GSE1: variants seen among roughly 807,000 people sequenced by gnomAD.
GSE1 encodes the protein genetic suppressor element 1.
A neutral mutation model predicts 112.6 loss-of-function variants in GSE1; 32 were observed. That is an observed-to-expected ratio of 0.28 (90% confidence interval 0.21 to 0.38). GSE1 has a LOEUF of 0.38. GSE1 is among the 10% of genes least tolerant of loss of function. The pLI, the probability that GSE1 is intolerant of heterozygous loss-of-function variation, is 1.00. For synonymous variants in GSE1, 1,115 were observed against 735.6 expected, an observed-to-expected ratio of 1.52 and a Z score of -8.35; for missense variants, 2,348 against 1,699.2, an observed-to-expected ratio of 1.38 and a Z score of -6.71.
At chr16:85,192,028 G>A (rs978745949) in intron 1 of GSE1, among the ~76,000 whole-genome samples, 1 of 152,248 alleles carries the variant, frequency 6.6e-6, no homozygotes, top group Non-Finnish European at 1.5e-5. Context: ...AATGTAGACA[G>A]CAGAGATGTG....
At chr16:85,635,757 T>C (rs2151764567) in intron 2 of GSE1, among the ~76,000 whole-genome samples, 1 of 152,340 alleles carries the variant, frequency 6.6e-6, no homozygotes, top group Admixed American at 6.5e-5. Context: ...CCTTGCATCC[T>C]GCTTTCATCC....
chr16:85,419,933 G>C lies in GSE1; in HGVS notation c.2464+62290G>C, dbSNP rs2048793437. Among the ~76,000 whole-genome samples, 1 of 152,222 alleles carries C rather than the reference G, an allele frequency of 6.6e-6. No homozygotes were observed. The highest frequency in any genetic ancestry group is 1.5e-5 in the Non-Finnish European group (1 of 68,038). ...GGAACAGAACTGAGGGACAGCAGGG[G>C]CAAAGTCTGAGCTAGGAAGGCCCCT... On this transcript the variant is annotated intron_variant, in intron 2 of 2. Coordinates refer to the GSE1 transcript ENST00000637419. The surrounding 1 kb of genome is among the most constrained non-coding windows in gnomAD (Gnocchi z 6.5).
At chr16:85,288,277 C>G (rs1352965574) in intron 1 of GSE1, among the ~76,000 whole-genome samples, 1 of 152,040 alleles carries the variant, frequency 6.6e-6, no homozygotes, top group African/African-American at 2.4e-5. Context: ...TACTCTCAGC[C>G]CCCCTACGCA....
intron 1 of GSE1, among the ~76,000 whole-genome samples, chr16:85,218,119 C>G (rs2075334186): frequency 6.6e-6 from 1 of 152,108 alleles, no homozygotes; most frequent in African/African-American, 2.4e-5. Context: ...CCAGGCTGGT[C>G]TCGAACTCCT....
At chr16:85,364,095 C>T (rs1329738642) in intron 2 of GSE1, among the ~76,000 whole-genome samples, 1 of 152,240 alleles carries the variant, frequency 6.6e-6, no homozygotes, top group Non-Finnish European at 1.5e-5. Context: ...GTGCAAAAAT[C>T]CCGATGTGGG....
intron 1 of GSE1, among the ~76,000 whole-genome samples, chr16:85,578,377 G>A (rs1345820482): frequency 2.0e-5 from 3 of 152,244 alleles, no homozygotes; most frequent in African/African-American, 7.2e-5. Context: ...AGAGGCACAA[G>A]TCACTGGGCC....
chr16:85,367,439 G>A (rs145591583), intron 2 of GSE1, among the ~76,000 whole-genome samples: 7 of 152,362 alleles, frequency 4.6e-5, no homozygotes, highest in African/African-American at 7.2e-5. Context: ...CCCCTGCCCC[G>A]AGAGCAGATA....
intron 1 of GSE1, among the ~76,000 whole-genome samples, chr16:85,333,470 C>G (rs146153796): frequency 1.3e-4 from 20 of 152,348 alleles, no homozygotes; most frequent in African/African-American, 3.8e-4. Context: ...GGCTGCAGCC[C>G]GGCCTCGGGC....
chr16:85,182,739 C>G (rs2074615570), intron 1 of GSE1, among the ~76,000 whole-genome samples: 1 of 152,130 alleles, frequency 6.6e-6, no homozygotes, highest in Admixed American at 6.5e-5. Flanking sequence ...GCCAAGCCAA[C>G]AGGCGTGCTG....
intron 2 of GSE1, among the ~76,000 whole-genome samples, chr16:85,469,267 A>T (rs1456494326): frequency 6.6e-6 from 1 of 151,212 alleles, no homozygotes; most frequent in Non-Finnish European, 1.5e-5. Flanking sequence ...AAAAAAAAGA[A>T]GTGGGCCCGA....
upstream of GSE1, among the ~76,000 whole-genome samples, chr16:85,551,158 C>G (rs2044896099): frequency 6.6e-6 from 1 of 152,204 alleles, no homozygotes; most frequent in South Asian, 2.1e-4. Context: ...AAATGTCTGA[C>G]TCCTCCCCAG....
chr16:85,542,057 C>G (rs1030003095), intron 2 of GSE1, among the ~76,000 whole-genome samples: 1 of 152,150 alleles, frequency 6.6e-6, no homozygotes, highest in South Asian at 2.1e-4. Context: ...TAGGGCAGGC[C>G]TCTGCCTTCA....
chr16:85,321,774 C>CA (rs2046111753), intron 1 of GSE1, among the ~76,000 whole-genome samples: 1 of 148,596 alleles, frequency 6.7e-6, no homozygotes. Context: ...GCCTGGGTGA[C>CA]AGAGTGAGAG....
At chr16:85,634,394 G>A (rs971188594) in intron 2 of GSE1, among the ~76,000 whole-genome samples, 3 of 152,192 alleles carry the variant, frequency 2.0e-5, no homozygotes, top group East Asian at 1.9e-4. Flanking sequence ...GTGTCCGGAT[G>A]TAGCGAGGTG....
chr16:85,295,690 G>A (rs1007404831), intron 1 of GSE1, among the ~76,000 whole-genome samples: 1 of 152,148 alleles, frequency 6.6e-6, no homozygotes, highest in African/African-American at 2.4e-5. Context: ...TTGTGGACAC[G>A]ATTCAGGACC....
intron 2 of GSE1, among the ~76,000 whole-genome samples, chr16:85,429,608 G>C (rs887548198): frequency 2.0e-5 from 3 of 152,200 alleles, no homozygotes; most frequent in African/African-American, 7.2e-5. Context: ...ATGGCCCCCA[G>C]CATCTCCTGT....
At chr16:85,527,204 G>T (rs1260735350) in intron 2 of GSE1, among the ~76,000 whole-genome samples, 1 of 152,232 alleles carries the variant, frequency 6.6e-6, no homozygotes, top group Non-Finnish European at 1.5e-5. Flanking sequence ...ACCGCTGCCT[G>T]GGCTTGTCTC....
In GSE1 at chr16:85,633,023, G is replaced by GCCT. The variant is rs1567684473; in HGVS notation, c.8-889_8-888insTCC. On this transcript the variant is annotated intron_variant, in intron 1 of 15. Transcript: ENST00000253458. ...GGCTCAGACCTCTGGTGCCGCCGCC[G>GCCT]CCGCCGCTGTCACCACTGGCCGGGA... Among the ~76,000 whole-genome samples the GCCT allele has an allele frequency of 2.6e-5, 4 of 152,222 alleles. No individual in the cohort carries two copies. The South Asian group carries it at 8.3e-4, about 32-fold the overall frequency.
chr16:85,547,070 C>T (rs2044727214), intron 2 of GSE1, among the ~76,000 whole-genome samples: 1 of 152,212 alleles, frequency 6.6e-6, no homozygotes, highest in African/African-American at 2.4e-5. Flanking sequence ...ACACCCCTGT[C>T]CAGGGCCTCA....
Sources: allele counts gnomAD v4.1 joint callset (sites outside exome capture counted in the v4.1 genomes callset), GRCh38; gene constraint gnomAD v4.1.1; non-coding constraint Gnocchi (gnomAD v3.1); transcripts MANE v1.5; gene names NCBI Gene and HGNC (gene_info 2026-07-23, HGNC 2026-07-21).